The following PDE4D variants were observed in gnomAD, a reference collection of about 807,000 sequenced individuals.
The protein encoded by PDE4D is 3',5'-cyclic-AMP phosphodiesterase 4D.
In PDE4D, 24 loss-of-function variants were observed where a neutral mutation model predicts 87.4. The observed-to-expected ratio is 0.27, with a 90% confidence interval of 0.20 to 0.39. PDE4D has a LOEUF of 0.39. Ranked by LOEUF, PDE4D falls within the 10% of genes least tolerant of loss-of-function variation. PDE4D has a pLI of 1.00. For synonymous variants in PDE4D, 384 were observed against 383.2 expected, an observed-to-expected ratio of 1.00 and a Z score of -0.02; for missense variants, 714 against 1,041.0, an observed-to-expected ratio of 0.69 and a Z score of 4.32.
At chr5:59,039,216 G>A (rs1350344676) in intron 5 of PDE4D, 3 of 1,282,574 alleles carry the variant, frequency 2.3e-6, no homozygotes, top group Non-Finnish European at 3.0e-6. Flanking sequence ...CCTCCAGGGA[G>A]GGCGTGCAAA....
rs1469562162 is a variant in PDE4D at position 60,217,662 on chromosome 5, T to G, written c.-89-31975A>C. On this transcript the variant is annotated intron_variant, in intron 1 of 16. Transcript: ENST00000502484. ...GGAATCAGATACTTGTTAATTTGAT[T>G]TTTTTACATATTTATCAGAATACAT... Among the ~76,000 whole-genome samples, 6 of 151,874 alleles carry G rather than the reference T, an allele frequency of 4.0e-5. No homozygotes were observed. In the East Asian group the frequency reaches 1.2e-3, roughly 29 times the overall value.
chr5:59,292,533 G>T (rs1000305785), intron 1 of PDE4D, among the ~76,000 whole-genome samples: 7 of 152,048 alleles, frequency 4.6e-5, no homozygotes, highest in East Asian at 1.9e-4. Flanking sequence ...TTTAACCAAT[G>T]ACTGGCCTTG....
In PDE4D at chr5:59,379,408, A is replaced by G. The variant is rs371126736; in HGVS notation, c.456-163440T>C. On this transcript the variant is annotated intron_variant, in intron 1 of 14. Coordinates refer to ENST00000340635, the MANE Select transcript of PDE4D (RefSeq NM_001104631.2). ...ATGATAGAAATTTGGAAAATTCAGAAAATTAAATTTTTTTAAAAATCATCT... is the reference window on the plus strand; with the variant it reads ...ATGATAGAAATTTGGAAAATTCAGAGAATTAAATTTTTTTAAAAATCATCT... 3.9e-5 allele frequency among the ~76,000 whole-genome samples: 6 copies of G among 152,304 alleles called. No homozygotes were observed. The East Asian group carries it at 1.2e-3, about 29-fold the overall frequency.
At chr5:59,880,254 T>C (rs898937640) in intron 1 of PDE4D, among the ~76,000 whole-genome samples, 3 of 151,884 alleles carry the variant, frequency 2.0e-5, no homozygotes, top group African/African-American at 7.3e-5. Flanking sequence ...CAATCAGAGG[T>C]GCACGCCACC....
At chr5:60,228,752 C>T (rs1745450764) in intron 1 of PDE4D, among the ~76,000 whole-genome samples, 1 of 151,968 alleles carries the variant, frequency 6.6e-6, no homozygotes, top group Admixed American at 6.6e-5. Context: ...AAACAAAAAG[C>T]CACATGGAAT....
intron 1 of PDE4D, among the ~76,000 whole-genome samples, chr5:59,879,771 C>T (rs1419396334): frequency 2.6e-5 from 4 of 152,304 alleles, no homozygotes; most frequent in East Asian, 3.9e-4. Flanking sequence ...ACGAAAGTCT[C>T]GCTCTGTCAC....
chr5:59,679,435 T>A (rs1031026183), intron 1 of PDE4D, among the ~76,000 whole-genome samples: 1 of 152,212 alleles, frequency 6.6e-6, no homozygotes, highest in Non-Finnish European at 1.5e-5. Flanking sequence ...ATCAGATATA[T>A]CTGTGGTTAT....
intron 1 of PDE4D, among the ~76,000 whole-genome samples, chr5:59,237,546 T>C (rs1179407199): frequency 6.6e-6 from 1 of 152,198 alleles, no homozygotes; most frequent in Non-Finnish European, 1.5e-5. Context: ...ATGATTTTCC[T>C]GCACTGATTT....
At chr5:59,751,965 C>T (rs371884996) in intron 1 of PDE4D, among the ~76,000 whole-genome samples, 11 of 152,130 alleles carry the variant, frequency 7.2e-5, no homozygotes, top group Admixed American at 2.0e-4. Context: ...AGTAGGGTGC[C>T]TGGGACTTCT....
chr5:60,294,338 T>C (rs1038218283), intron 1 of PDE4D, among the ~76,000 whole-genome samples: 5 of 152,226 alleles, frequency 3.3e-5, no homozygotes, highest in Middle Eastern at 3.2e-3. Context: ...TTAAAGTCCT[T>C]TGTCAGATAT....
intron 2 of PDE4D, among the ~76,000 whole-genome samples, chr5:60,146,883 A>G (rs1781044363): frequency 2.0e-5 from 3 of 152,216 alleles, no homozygotes; most frequent in Non-Finnish European, 4.4e-5. Context: ...GGTCAACATC[A>G]CTAATCATAG....
chr5:59,965,239 C>G (rs1342327125), intron 3 of PDE4D, among the ~76,000 whole-genome samples: 1 of 152,124 alleles, frequency 6.6e-6, no homozygotes, highest in African/African-American at 2.4e-5. Context: ...CCTCAGCATA[C>G]AACCATGCTG....
intron 1 of PDE4D, among the ~76,000 whole-genome samples, chr5:59,628,169 T>A (rs942099739): frequency 1.3e-5 from 2 of 152,146 alleles, no homozygotes; most frequent in Non-Finnish European, 2.9e-5. Context: ...ATTTTTAACT[T>A]AATAATGGAA....
At chr5:59,718,860 T>C (rs74371297) in intron 1 of PDE4D, among the ~76,000 whole-genome samples, 2,099 of 152,226 alleles carry the variant, frequency 0.014, 50 homozygotes, top group African/African-American at 0.048. Context: ...TTGTAAAAGA[T>C]TGTAAAATAG....
At chr5:59,214,110 G>A (rs1750724916) in intron 2 of PDE4D, among the ~76,000 whole-genome samples, 1 of 149,038 alleles carries the variant, frequency 6.7e-6, no homozygotes. Context: ...ATCTAAACCA[G>A]CTCTTTGCTC....
At chr5:59,376,653 C>T (rs244584) in intron 1 of PDE4D, among the ~76,000 whole-genome samples, 117,380 of 152,118 alleles carry the variant, frequency 0.77, 45,723 homozygotes, top group African/African-American at 0.86. Context: ...TAAATTACCA[C>T]TGAGATTCTT....
At chr5:59,574,040 T>A (rs999582027) in intron 1 of PDE4D, among the ~76,000 whole-genome samples, 1,180 of 88,914 alleles carry the variant, frequency 0.013, 11 homozygotes, top group Non-Finnish European at 0.02. Flanking sequence ...AAATATATAT[T>A]TATATATATT....
At chr5:59,660,090 T>G (rs748394641) in intron 1 of PDE4D, among the ~76,000 whole-genome samples, 1 of 151,926 alleles carries the variant, frequency 6.6e-6, no homozygotes, top group African/African-American at 2.4e-5. Context: ...GAGGCTAAGG[T>G]ACAAGAATCA....
chr5:59,630,374 CTA>C (rs1204080519), intron 1 of PDE4D, among the ~76,000 whole-genome samples: 3 of 152,078 alleles, frequency 2.0e-5, no homozygotes, highest in African/African-American at 7.2e-5. Flanking sequence ...AGTCATTTTT[CTA>C]TGAGGACAAT....
Sources: allele counts gnomAD v4.1 joint callset (sites outside exome capture counted in the v4.1 genomes callset), GRCh38; gene constraint gnomAD v4.1.1; transcripts MANE v1.5; gene names NCBI Gene and HGNC (gene_info 2026-07-23, HGNC 2026-07-21).